Variants in STOML3 observed in about 807,000 individuals in gnomAD.
STOML3 encodes the protein stomatin-like protein 3.
In STOML3, 31 loss-of-function variants were observed where a neutral mutation model predicts 29.5. The observed-to-expected ratio is 1.05, with a 90% CI of 0.79 to 1.42. The LOEUF (loss-of-function observed/expected upper bound fraction) is 1.42. STOML3 is among the 40% of genes most tolerant of loss of function. STOML3 has a pLI of 0.00. For missense variants in STOML3, 380 were observed against 363.0 expected, an observed-to-expected ratio of 1.05 and a Z score of -0.38; for synonymous variants, 122 against 139.8, an observed-to-expected ratio of 0.87 and a Z score of 0.90.
intron 1 of STOML3, among the ~76,000 whole-genome samples, chr13:38,984,339 A>AG (rs1868422919): frequency 6.6e-6 from 1 of 152,200 alleles, no homozygotes; most frequent in South Asian, 2.1e-4. Flanking sequence ...TTTCCTCAGC[A>AG]GGCCTCAGCT....
At chr13:38,986,852 C>CA (rs1868591216) in intron 1 of STOML3, among the ~76,000 whole-genome samples, 1 of 152,078 alleles carries the variant, frequency 6.6e-6, no homozygotes, top group Admixed American at 6.6e-5. Flanking sequence ...CCAGAAGAGA[C>CA]ACAGACTAAA....
chr13:38,976,862 T>C, intron 1 of STOML3, 65 bp from the exon 2 acceptor site: 1 of 1,399,746 alleles, frequency 7.1e-7, no homozygotes, highest in Non-Finnish European at 1.0e-6. Flanking sequence ...CCCAGCTGCA[T>C]GGGTGTGGAA....
intron 1 of STOML3, among the ~76,000 whole-genome samples, chr13:38,988,440 T>A (rs1868790436): frequency 9.3e-6 from 1 of 107,656 alleles, no homozygotes; most frequent in Non-Finnish European, 1.7e-5. Context: ...TTATATAAAA[T>A]ATATTATATT....
At chr13:38,985,911 CTTTTTTTTTTTT>C (rs1170409048) in intron 1 of STOML3, among the ~76,000 whole-genome samples, 14 of 85,616 alleles carry the variant, frequency 1.6e-4, no homozygotes, top group Non-Finnish European at 2.9e-4. Context: ...TCTTTTCTTT[CTTTTTTTTTTTT>C]TTTTTTTTTT....
At position 38,966,789 on chromosome 13, in the gene STOML3, A is replaced by T. The variant is rs1431231614; in HGVS notation, c.*36T>A. On this transcript the variant is annotated 3_prime_UTR_variant, in exon 7 of 7. Transcript: ENST00000379631. ...TGGCTTCTCCATAGGAATAGACACC[A>T]CTCTCTATGCAATAGCTGACTACCG... 6.4e-7 allele frequency: 1 copy of T among 1,550,592 alleles called. No homozygotes were observed. Among genetic ancestry groups the T allele is most frequent in the East Asian group, 2.2e-5 (1 of 44,570 alleles).
intron 6 of STOML3, 21 bp downstream of exon 6, chr13:38,968,379 T>A (rs773970928): frequency 5.0e-6 from 8 of 1,613,512 alleles, no homozygotes; most frequent in Non-Finnish European, 6.8e-6. Context: ...TCCCTCCATG[T>A]GTGAACTGCA....
intron 1 of STOML3, among the ~76,000 whole-genome samples, chr13:38,985,476 C>A (rs1424573582): frequency 6.6e-6 from 1 of 152,032 alleles, no homozygotes; most frequent in Non-Finnish European, 1.5e-5. Context: ...AAAATGTTTT[C>A]CTTGCATCAT....
chr13:38,984,149 A>T (rs1868410363), intron 1 of STOML3, among the ~76,000 whole-genome samples: 1 of 152,092 alleles, frequency 6.6e-6, no homozygotes, highest in Admixed American at 6.5e-5. Flanking sequence ...TTTGTTTTTC[A>T]AGTAGCAGGA....
At chr13:38,977,018 A>T (rs1881105527) in intron 1 of STOML3, among the ~76,000 whole-genome samples, 1 of 152,238 alleles carries the variant, frequency 6.6e-6, no homozygotes, top group Non-Finnish European at 1.5e-5. Context: ...CCTTCCAAGA[A>T]AAATATCATA....
At chr13:38,972,872 T>C (rs1593499572) in intron 3 of STOML3, among the ~76,000 whole-genome samples, 1 of 152,104 alleles carries the variant, frequency 6.6e-6, no homozygotes, top group Non-Finnish European at 1.5e-5. Context: ...TCTATCCAAG[T>C]GTTTAATTGG....
At chr13:38,986,211 T>A (rs953878244) in intron 1 of STOML3, among the ~76,000 whole-genome samples, 1 of 151,860 alleles carries the variant, frequency 6.6e-6, no homozygotes, top group Non-Finnish European at 1.5e-5. Flanking sequence ...ATTTTTTTAT[T>A]TTTGGTAGAA....
rs1263074100 is a variant in STOML3 at position 38,966,646 on chromosome 13, A to G, written c.*179T>C. 1 of 543,182 alleles carries G rather than the reference A, an allele frequency of 1.8e-6. No individual in the cohort carries two copies. The highest frequency in any genetic ancestry group is 3.3e-6 in the Non-Finnish European group (1 of 307,270). 33.6% of individuals were successfully genotyped at this position (543,182 alleles called of 1,614,324 possible). On this transcript the variant is annotated 3_prime_UTR_variant, in exon 7 of 7. Coordinates refer to ENST00000379631, the MANE Select transcript of STOML3 (RefSeq NM_145286.3). The stretch of plus-strand genomic sequence containing the variant: ...AAAATAAAAGTAATATACAGGTCTC[A>G]TTTTTGCTCTTTTTTTCTTCTCTGT...
intron 3 of STOML3, among the ~76,000 whole-genome samples, chr13:38,973,497 T>G (rs1242276653): frequency 2.6e-5 from 4 of 152,176 alleles, no homozygotes; most frequent in Non-Finnish European, 2.9e-5. Flanking sequence ...TTATAGATGG[T>G]CATGTGGTGT....
intron 3 of STOML3, among the ~76,000 whole-genome samples, chr13:38,972,859 A>G (rs1161625792): frequency 6.6e-6 from 1 of 152,184 alleles, no homozygotes; most frequent in African/African-American, 2.4e-5. Context: ...AAAACAATCT[A>G]CTTCTATCCA....
intron 1 of STOML3, among the ~76,000 whole-genome samples, chr13:38,977,750 A>ATTTTTTTTT (rs397851686): frequency 4.7e-5 from 4 of 84,232 alleles, no homozygotes; most frequent in Non-Finnish European, 6.9e-5. Flanking sequence ...AAGTCTCCGG[A>ATTTTTTTTT]TTTTTTTTTT....
At chr13:38,988,921 T>G (rs1480649957) in intron 1 of STOML3, among the ~76,000 whole-genome samples, 2 of 139,946 alleles carry the variant, frequency 1.4e-5, no homozygotes, top group East Asian at 4.0e-4. Flanking sequence ...ACATAATATA[T>G]ATACTATATT....
At chr13:38,970,872 C>T (rs943523164) in intron 4 of STOML3, among the ~76,000 whole-genome samples, 1 of 152,076 alleles carries the variant, frequency 6.6e-6, no homozygotes, top group African/African-American at 2.4e-5. Flanking sequence ...TGGAGAGGCT[C>T]AGCATCAATC....
chr13:38,981,521 A>T (rs1326548394), intron 1 of STOML3, among the ~76,000 whole-genome samples: 1 of 152,180 alleles, frequency 6.6e-6, no homozygotes, highest in Non-Finnish European at 1.5e-5. Flanking sequence ...TTATTTCTCA[A>T]CTTCAGCTTG....
intron 1 of STOML3, among the ~76,000 whole-genome samples, chr13:38,984,920 C>A (rs1256826198): frequency 6.6e-6 from 1 of 152,072 alleles, no homozygotes; most frequent in Non-Finnish European, 1.5e-5. Flanking sequence ...GCAGTGCATA[C>A]TTTTAAGTAC....
Sources: gnomAD v4.1 joint callset for allele counts (sites outside exome capture counted in the v4.1 genomes callset) on GRCh38, gnomAD v4.1.1 for gene constraint, MANE v1.5 for transcripts, NCBI Gene and HGNC (gene_info 2026-07-23, HGNC 2026-07-21) for gene names.